KIF3C: variants seen among roughly 807,000 people sequenced by gnomAD.
KIF3C encodes the protein kinesin family member 3C.
Under a neutral mutation model 67.7 loss-of-function variants are expected in KIF3C, and 12 were observed. That is an observed-to-expected ratio of 0.18 (90% confidence interval 0.11 to 0.29). The LOEUF (loss-of-function observed/expected upper bound fraction) is 0.29. KIF3C is among the 10% of genes least tolerant of loss of function. The pLI is 1.00. For missense variants in KIF3C, 789 were observed against 1,059.6 expected, an observed-to-expected ratio of 0.74 and a Z score of 3.55; for synonymous variants, 393 against 426.2, an observed-to-expected ratio of 0.92 and a Z score of 0.96.
chr2:25,954,035 G>A, intron 4 of KIF3C: 1 of 512,068 alleles, frequency 2.0e-6, no homozygotes. Flanking sequence ...CAGGGCCTTC[G>A]GAGTTACTTT....
chr2:25,932,147 G>A (rs566927383), intron 5 of KIF3C, among the ~76,000 whole-genome samples: 4 of 151,464 alleles, frequency 2.6e-5, no homozygotes, highest in South Asian at 2.1e-4. Flanking sequence ...TATTACAGGC[G>A]CATGCCACCA....
intron 1 of KIF3C, among the ~76,000 whole-genome samples, chr2:25,965,475 C>A (rs1486508079): frequency 2.6e-5 from 4 of 151,888 alleles, no homozygotes; most frequent in East Asian, 1.9e-4. Context: ...AGATCTTGAG[C>A]CTTTTCTTTT....
chr2:25,937,461 G>A (rs774917537), intron 5 of KIF3C, among the ~76,000 whole-genome samples: 1 of 152,210 alleles, frequency 6.6e-6, no homozygotes, highest in Non-Finnish European at 1.5e-5. Context: ...ACAGGATGCC[G>A]GGAGGCGTGC....
chr2:25,960,102 G>A (rs1663907882), intron 1 of KIF3C, among the ~76,000 whole-genome samples: 1 of 152,138 alleles, frequency 6.6e-6, no homozygotes, highest in African/African-American at 2.4e-5. Flanking sequence ...AACACCTGGG[G>A]AGATTTTGTA....
intron 1 of KIF3C, among the ~76,000 whole-genome samples, chr2:25,979,580 T>C (rs1481011556): frequency 2.0e-5 from 3 of 152,120 alleles, no homozygotes; most frequent in Non-Finnish European, 4.4e-5. Flanking sequence ...GCCAGTCTCT[T>C]GGTCTCTGGT....
intron 5 of KIF3C, among the ~76,000 whole-genome samples, chr2:25,938,020 T>C (rs6546622): frequency 0.73 from 110,819 of 151,704 alleles, 42,265 homozygotes; most frequent in Non-Finnish European, 0.84. Flanking sequence ...TGCCACTGCA[T>C]TCCAGCCTGG....
In KIF3C at chr2:25,928,663, G is replaced by A. The variant is rs1308183841; in HGVS notation, c.*315C>T. The A allele has an allele frequency of 1.3e-4, 28 of 215,508 alleles. No homozygotes were observed. Among genetic ancestry groups the A allele is most frequent in the Non-Finnish European group, 2.3e-4 (25 of 107,660 alleles). The allele number at this position is 215,508 out of a possible 1,614,324, so 13.3% of individuals were successfully genotyped here. On this transcript the variant is annotated 3_prime_UTR_variant, in exon 8 of 8. Transcript: ENST00000264712. The stretch of plus-strand genomic sequence containing the variant: ...CCCTTCTGGAGGCAGCTGACAGGGG[G>A]ACAAGCCTGAGATCTGACTGGGGGA...
chr2:25,945,452 A>AGCTACTTAGGAG (rs1663405556), intron 5 of KIF3C, among the ~76,000 whole-genome samples: 1 of 150,664 alleles, frequency 6.6e-6, no homozygotes, highest in Non-Finnish European at 1.5e-5. Context: ...CTGTAATCCC[A>AGCTACTTAGGAG]GCTACTTAGG....
chr2:25,946,315 G>A (rs931760609), intron 5 of KIF3C, among the ~76,000 whole-genome samples: 1 of 151,974 alleles, frequency 6.6e-6, no homozygotes, highest in Non-Finnish European at 1.5e-5. Flanking sequence ...AGCACTTTGG[G>A]AGGCCAAGGT....
At chr2:25,967,127 G>C (rs982423710) in intron 1 of KIF3C, among the ~76,000 whole-genome samples, 64 of 152,232 alleles carry the variant, frequency 4.2e-4, no homozygotes, top group African/African-American at 1.4e-3. Context: ...CATCAGGAAA[G>C]CTCAGAGCCT....
At chr2:25,966,061 G>A (rs1017170579) in intron 1 of KIF3C, among the ~76,000 whole-genome samples, 4 of 151,980 alleles carry the variant, frequency 2.6e-5, no homozygotes, top group Non-Finnish European at 4.4e-5. Context: ...AGGCCTAGAA[G>A]TGGAGTCCTT....
chr2:25,943,175 G>T (rs1663340240), intron 5 of KIF3C, among the ~76,000 whole-genome samples: 1 of 152,174 alleles, frequency 6.6e-6, no homozygotes, highest in African/African-American at 2.4e-5. Flanking sequence ...TTTTCTGTTT[G>T]TTTTTTAGCC....
At chr2:25,959,927 C>G (rs932341954) in intron 1 of KIF3C, among the ~76,000 whole-genome samples, 1 of 152,184 alleles carries the variant, frequency 6.6e-6, no homozygotes, top group African/African-American at 2.4e-5. Flanking sequence ...TACTGGGTCA[C>G]AGGTCTTCAG....
intron 1 of KIF3C, among the ~76,000 whole-genome samples, chr2:25,960,282 T>C (rs912198393): frequency 2.0e-5 from 3 of 152,130 alleles, no homozygotes; most frequent in Admixed American, 6.5e-5. Context: ...ACCTAGTGAA[T>C]TGAGATCCAT....
chr2:25,954,506 G>A (rs747211947), intron 3 of KIF3C, 121 bp from the exon 4 acceptor site: 11 of 717,252 alleles, frequency 1.5e-5, no homozygotes, highest in South Asian at 5.2e-5. Flanking sequence ...ATGAGGCTGC[G>A]GGTCCTTTTC....
At chr2:25,976,794 A>T (rs746011041) in intron 1 of KIF3C, among the ~76,000 whole-genome samples, 1 of 152,212 alleles carries the variant, frequency 6.6e-6, no homozygotes, top group Non-Finnish European at 1.5e-5. Flanking sequence ...TAAAGCAGTC[A>T]TTTAAAAATT....
intron 1 of KIF3C, among the ~76,000 whole-genome samples, chr2:25,957,695 T>C (rs575579462): frequency 7.9e-5 from 12 of 152,240 alleles, no homozygotes; most frequent in Middle Eastern, 6.8e-3. Context: ...AGCCACATCA[T>C]TGGGAACACA....
intron 4 of KIF3C, among the ~76,000 whole-genome samples, 175 bp from the exon 5 acceptor site, chr2:25,952,080 A>G (rs1289269725): frequency 6.6e-6 from 1 of 152,194 alleles, no homozygotes; most frequent in Non-Finnish European, 1.5e-5. Context: ...TCACGAGGTC[A>G]GGAGATCAAG....
intron 6 of KIF3C, 74 bp downstream of exon 6, chr2:25,929,881 G>C: frequency 9.6e-7 from 1 of 1,041,560 alleles, no homozygotes; most frequent in South Asian, 1.3e-5. Context: ...CTCCCACAGT[G>C]CTGGGATTAC....
Sources: allele counts gnomAD v4.1 joint callset (sites outside exome capture counted in the v4.1 genomes callset), GRCh38; gene constraint gnomAD v4.1.1; transcripts MANE v1.5; gene names NCBI Gene and HGNC (gene_info 2026-07-23, HGNC 2026-07-21).